SLC24A2: variants seen among roughly 807,000 people sequenced by gnomAD.
SLC24A2 encodes the protein sodium/potassium/calcium exchanger 2.
SLC24A2 carries 36 observed loss-of-function variants against 62.0 expected under a neutral mutation model. The observed-to-expected ratio is 0.58, with a 90% CI of 0.44 to 0.77. The LOEUF (loss-of-function observed/expected upper bound fraction) is 0.77, where lower values mean the gene tolerates loss of function less well. Ranked by LOEUF, SLC24A2 falls within the 30% of genes least tolerant of loss-of-function variation. The pLI is 0.00. For synonymous variants in SLC24A2, 358 were observed against 294.0 expected (o/e 1.22, Z -2.23); for missense variants, 846 against 817.9 (o/e 1.03, Z -0.42).
At chr9:19,715,405 G>C (rs2118619547) in intron 2 of SLC24A2, among the ~76,000 whole-genome samples, 1 of 152,228 alleles carries the variant, frequency 6.6e-6, no homozygotes, top group African/African-American at 2.4e-5. Flanking sequence ...TCCTCAAGTA[G>C]GACTCAGGTT....
At chr9:20,022,627 TG>T in the SLC24A2 span, among the ~76,000 whole-genome samples, 2 of 152,222 alleles carry the variant, frequency 1.3e-5, no homozygotes, top group Non-Finnish European at 2.9e-5. Context: ...CTAAGTTATA[TG>T]ACTAAAGAAA....
At chr9:19,643,346 A>G (rs1195821738) in intron 2 of SLC24A2, among the ~76,000 whole-genome samples, 2 of 152,180 alleles carry the variant, frequency 1.3e-5, no homozygotes, top group Non-Finnish European at 2.9e-5. Flanking sequence ...TTTAAAATTA[A>G]TCTTGTTTGT....
the SLC24A2 span, among the ~76,000 whole-genome samples, chr9:19,933,619 A>G: frequency 0.24 from 36,564 of 151,966 alleles, 5,299 homozygotes; most frequent in South Asian, 0.39. Context: ...CTACTCCTAC[A>G]TACATATTAA....
chr9:20,095,093 T>C, the SLC24A2 span, among the ~76,000 whole-genome samples: 2 of 152,194 alleles, frequency 1.3e-5, no homozygotes, highest in Admixed American at 1.3e-4. Flanking sequence ...CATCCTGTTT[T>C]CTAAGCCAAA....
chr9:20,015,741 T>C, the SLC24A2 span, among the ~76,000 whole-genome samples: 1 of 152,220 alleles, frequency 6.6e-6, no homozygotes, highest in African/African-American at 2.4e-5. Context: ...TGGATAATGA[T>C]AGCAGAGCTA....
At chr9:19,942,255 G>A in the SLC24A2 span, among the ~76,000 whole-genome samples, 1 of 152,138 alleles carries the variant, frequency 6.6e-6, no homozygotes, top group African/African-American at 2.4e-5. Context: ...CTGCATCCAT[G>A]CTAAACACGT....
chr9:19,655,384 A>G (rs1353582444), intron 2 of SLC24A2, among the ~76,000 whole-genome samples: 2 of 152,222 alleles, frequency 1.3e-5, no homozygotes, highest in Non-Finnish European at 2.9e-5. Context: ...CGTTGATAGG[A>G]AGGCAGGTAG....
At chr9:19,639,994 T>C (rs1279676814) in intron 2 of SLC24A2, among the ~76,000 whole-genome samples, 1 of 152,270 alleles carries the variant, frequency 6.6e-6, no homozygotes, top group Non-Finnish European at 1.5e-5. Context: ...AATGGATTTC[T>C]AAGATCCTTC....
the SLC24A2 span, among the ~76,000 whole-genome samples, chr9:19,906,173 T>G: frequency 6.6e-6 from 1 of 152,168 alleles, no homozygotes; most frequent in South Asian, 2.1e-4. Context: ...ATTAAGAAAC[T>G]CAGTCAAAAA....
At chr9:19,946,908 G>A in the SLC24A2 span, among the ~76,000 whole-genome samples, 3 of 152,138 alleles carry the variant, frequency 2.0e-5, no homozygotes, top group Admixed American at 1.3e-4. Flanking sequence ...ATGTGTGGAT[G>A]TCTAATAAAT....
At chr9:19,995,377 G>T in the SLC24A2 span, among the ~76,000 whole-genome samples, 7 of 152,068 alleles carry the variant, frequency 4.6e-5, no homozygotes, top group Non-Finnish European at 8.8e-5. Context: ...GGTTATGTGT[G>T]GGTGCCTTAG....
At chr9:19,693,864 T>A (rs1820111668) in intron 2 of SLC24A2, among the ~76,000 whole-genome samples, 2 of 152,122 alleles carry the variant, frequency 1.3e-5, no homozygotes, top group African/African-American at 4.8e-5. Context: ...CTGTCTTTGT[T>A]CATTAACTAG....
chr9:20,100,540 G>C, the SLC24A2 span, among the ~76,000 whole-genome samples: 21 of 152,252 alleles, frequency 1.4e-4, no homozygotes, highest in Admixed American at 6.5e-5. Context: ...CTTCTCATTA[G>C]ACATTAAGTT....
At chr9:19,711,291 G>C (rs192991876) in intron 2 of SLC24A2, among the ~76,000 whole-genome samples, 1 of 152,170 alleles carries the variant, frequency 6.6e-6, no homozygotes, top group Non-Finnish European at 1.5e-5. Flanking sequence ...GTATGTGCTT[G>C]GATTTTCTTG....
At chr9:20,007,536 T>C in the SLC24A2 span, among the ~76,000 whole-genome samples, 137 of 152,300 alleles carry the variant, frequency 9.0e-4, 1 homozygote, top group Non-Finnish European at 1.4e-3. Flanking sequence ...TAAATTCATA[T>C]ACATAAATCC....
chr9:20,046,890 T>C, the SLC24A2 span, among the ~76,000 whole-genome samples: 1 of 152,340 alleles, frequency 6.6e-6, no homozygotes, highest in East Asian at 1.9e-4. Context: ...TGCTTCTTTC[T>C]ATCTACTTAC....
the SLC24A2 span, among the ~76,000 whole-genome samples, chr9:19,836,251 G>T: frequency 2.0e-5 from 3 of 152,212 alleles, no homozygotes; most frequent in Non-Finnish European, 4.4e-5. Context: ...GGAAATAAGA[G>T]ATATAAAAAA....
the SLC24A2 span, among the ~76,000 whole-genome samples, chr9:19,827,192 A>G: frequency 1.8e-4 from 28 of 152,320 alleles, no homozygotes; most frequent in South Asian, 4.4e-3. Context: ...TGTGAGGAAT[A>G]GGCCGTGCAT....
chr9:20,302,761 A>G, the SLC24A2 span, among the ~76,000 whole-genome samples: 3 of 152,108 alleles, frequency 2.0e-5, no homozygotes, highest in Non-Finnish European at 4.4e-5. Context: ...TATTTCTTTC[A>G]TGGATTGTGC....
Sources: allele counts gnomAD v4.1 joint callset (sites outside exome capture counted in the v4.1 genomes callset), GRCh38; gene constraint gnomAD v4.1.1; transcripts MANE v1.5; gene names NCBI Gene and HGNC (gene_info 2026-07-23, HGNC 2026-07-21).